CLOCK: variants seen among roughly 807,000 people sequenced by gnomAD.
CLOCK encodes the protein circadian locomoter output cycles protein kaput.
A neutral mutation model predicts 118.4 loss-of-function variants in CLOCK; 43 were observed. The ratio of observed to expected loss-of-function variants is 0.36; its 90% CI spans 0.28 to 0.47. The LOEUF is 0.47. Among genes scored for constraint, CLOCK ranks in the 20% least tolerant of loss-of-function variants. The pLI is 1.00. For missense variants in CLOCK, 846 were observed against 999.9 expected (o/e 0.85, Z 2.08); for synonymous variants, 326 against 339.2 (o/e 0.96, Z 0.43).
chr4:55,529,720 T>A (rs1381668167), intron 1 of CLOCK, among the ~76,000 whole-genome samples: 3 of 152,204 alleles, frequency 2.0e-5, no homozygotes, highest in African/African-American at 7.2e-5. Flanking sequence ...GACTAGAAAC[T>A]GAGGACAAAG....
chr4:55,543,803 T>C (rs1193374381), intron 1 of CLOCK, among the ~76,000 whole-genome samples: 1 of 151,696 alleles, frequency 6.6e-6, no homozygotes, highest in African/African-American at 2.4e-5. Context: ...TGAAATGTAA[T>C]TCCATTTTTA....
chr4:55,502,791 T>A (rs1164815276), intron 2 of CLOCK, among the ~76,000 whole-genome samples: 4 of 152,170 alleles, frequency 2.6e-5, no homozygotes, highest in African/African-American at 9.7e-5. Context: ...TGAAATTATC[T>A]ATTTCTGGGG....
intron 1 of CLOCK, among the ~76,000 whole-genome samples, chr4:55,524,124 G>T (rs768420862): frequency 6.6e-6 from 1 of 151,958 alleles, no homozygotes; most frequent in Non-Finnish European, 1.5e-5. Context: ...CATAGCAGCT[G>T]ATGTTTGTAA....
intron 1 of CLOCK, among the ~76,000 whole-genome samples, chr4:55,523,422 C>T (rs1729966476): frequency 6.6e-6 from 1 of 152,202 alleles, no homozygotes. Context: ...TTTACACCTT[C>T]TTGGTCCAAT....
At chr4:55,539,044 C>T (rs751977164) in intron 1 of CLOCK, among the ~76,000 whole-genome samples, 1 of 151,970 alleles carries the variant, frequency 6.6e-6, no homozygotes, top group East Asian at 1.9e-4. Flanking sequence ...ACCTGCGTGG[C>T]CAACATGGCA....
At chr4:55,488,335 T>C (rs1285899338) in intron 3 of CLOCK, among the ~76,000 whole-genome samples, 1 of 152,200 alleles carries the variant, frequency 6.6e-6, no homozygotes, top group East Asian at 1.9e-4. Context: ...TACATGCCAA[T>C]GACTCCCAAA....
At chr4:55,536,038 C>A (rs1347242754) in intron 1 of CLOCK, among the ~76,000 whole-genome samples, 1 of 152,028 alleles carries the variant, frequency 6.6e-6, no homozygotes, top group Non-Finnish European at 1.5e-5. Context: ...ACTAATTCTC[C>A]TAAAAAGTTT....
At chr4:55,485,707 C>G (rs1389271046) in intron 3 of CLOCK, among the ~76,000 whole-genome samples, 1 of 152,018 alleles carries the variant, frequency 6.6e-6, no homozygotes, top group Non-Finnish European at 1.5e-5. Flanking sequence ...TACTGGAATC[C>G]AAAATTCACC....
chr4:55,463,873 T>A, intron 8 of CLOCK, 68 bp from the exon 9 acceptor site: 1 of 1,456,046 alleles, frequency 6.9e-7, no homozygotes. Context: ...TAAAAGTACA[T>A]AATCGCTATT....
intron 1 of CLOCK, among the ~76,000 whole-genome samples, chr4:55,521,215 T>C (rs921185414): frequency 2.0e-5 from 3 of 152,174 alleles, no homozygotes; most frequent in Non-Finnish European, 4.4e-5. Flanking sequence ...AATTCAAATT[T>C]CTATTTTTTT....
At chr4:55,471,674 A>G (rs931487249) in intron 7 of CLOCK, among the ~76,000 whole-genome samples, 2 of 152,236 alleles carry the variant, frequency 1.3e-5, no homozygotes, top group African/African-American at 2.4e-5. Flanking sequence ...TCATTTGAGA[A>G]TCCTAGGCAC....
At chr4:55,508,206 G>C (rs1444077740) in intron 2 of CLOCK, among the ~76,000 whole-genome samples, 4 of 152,186 alleles carry the variant, frequency 2.6e-5, no homozygotes, top group African/African-American at 9.7e-5. Context: ...CATTGAGTCA[G>C]TCATCAACTA....
intron 1 of CLOCK, among the ~76,000 whole-genome samples, chr4:55,511,222 T>C (rs1477380639): frequency 1.3e-5 from 2 of 151,760 alleles, no homozygotes; most frequent in Admixed American, 6.6e-5. Context: ...TTTTAAGCAC[T>C]TGACATATAT....
chr4:55,463,947 C>T (rs1725547773), intron 8 of CLOCK, 142 bp from the exon 9 acceptor site: 1 of 821,646 alleles, frequency 1.2e-6, no homozygotes, highest in Non-Finnish European at 1.8e-6. Context: ...TAGACCAAAT[C>T]TCAAAAAATA....
intron 3 of CLOCK, among the ~76,000 whole-genome samples, chr4:55,486,856 A>G (rs1727331409): frequency 6.6e-6 from 1 of 152,196 alleles, no homozygotes; most frequent in African/African-American, 2.4e-5. Flanking sequence ...CTGGTCACTC[A>G]ACAGGCTTTT....
chr4:55,496,802 G>A (rs908842374), intron 2 of CLOCK, among the ~76,000 whole-genome samples: 4 of 151,826 alleles, frequency 2.6e-5, no homozygotes, highest in East Asian at 3.9e-4. Context: ...AAGGAATCAC[G>A]TCACCATTCC....
At position 55,518,968 on chromosome 4, in the gene CLOCK, C is replaced by G. The variant is rs564362473; in HGVS notation, c.-289-8903G>C. Among the ~76,000 whole-genome samples, 3 of 152,296 alleles carry G rather than the reference C, an allele frequency of 2.0e-5. No individual in the cohort carries two copies. The South Asian group carries it at 6.2e-4, about 32-fold the overall frequency. On this transcript the variant is annotated intron_variant, in intron 1 of 22. Transcript: ENST00000513440. ...CAAGCTAACCTTATATTCTGCCCCC[C>G]ACCCAATCCAACACCTTTCAAAACA...
At chr4:55,446,448 G>C (rs1239240896) in intron 18 of CLOCK, among the ~76,000 whole-genome samples, 1 of 152,046 alleles carries the variant, frequency 6.6e-6, no homozygotes. Context: ...GTCATCCCTA[G>C]AATGCCCTCT....
chr4:55,544,841 A>G (rs1360325575), intron 1 of CLOCK, among the ~76,000 whole-genome samples: 1 of 152,122 alleles, frequency 6.6e-6, no homozygotes, highest in Non-Finnish European at 1.5e-5. Flanking sequence ...TAATTTCTTT[A>G]TATAAAGAGC....
Sources: gnomAD v4.1 joint callset for allele counts (sites outside exome capture counted in the v4.1 genomes callset) on GRCh38, gnomAD v4.1.1 for gene constraint, MANE v1.5 for transcripts, NCBI Gene and HGNC (gene_info 2026-07-23, HGNC 2026-07-21) for gene names.